FOXP3: variants seen among roughly 807,000 people sequenced by gnomAD.
FOXP3 encodes the protein forkhead box P3, also known as forkhead box protein P3.
A neutral mutation model predicts 31.2 loss-of-function variants in FOXP3; 5 were observed. That is an observed-to-expected ratio of 0.16 (90% CI 0.08 to 0.34). The LOEUF is 0.34. Among genes scored for constraint, FOXP3 ranks in the 10% least tolerant of loss-of-function variants. FOXP3 has a pLI of 1.00. For missense variants in FOXP3, 251 were observed against 363.0 expected, an observed-to-expected ratio of 0.69 and a Z score of 2.51; for synonymous variants, 141 against 148.8, an observed-to-expected ratio of 0.95 and a Z score of 0.38.
chrX:49,251,938 G>A, intron 10 of FOXP3, 173 bp from the exon 11 acceptor site: 2 of 748,340 alleles, frequency 2.7e-6, no homozygotes, highest in Non-Finnish European at 3.2e-6. Flanking sequence ...GAAAAGGGGT[G>A]AAGTGTCGGG....
At position 49,253,144 on chromosome X, in the gene FOXP3, G is replaced by A. The variant is rs374651495; in HGVS notation, c.1026C>T (p.Tyr342=). ...TGCTTACCCAGCGGATGAGCGTGGC[G>A]TAGGTGAAAGGGGGTCGCATGTTGT... is the stretch of plus-strand genomic sequence containing the variant. The part of the protein sequence containing the change: ...KFHNMRPPFT[Y]ATLIRWAILE... Residue 342 remains tyrosine, a synonymous_variant, in exon 10 of 12, where the codon TAC becomes TAT. Coordinates refer to ENST00000376207, the MANE Select transcript of FOXP3 (RefSeq NM_014009.4). 1.4e-5 allele frequency: 17 copies of A among 1,207,452 alleles called. No individual in the cohort carries two copies. Among genetic ancestry groups the A allele is most frequent in the Admixed American group, 1.3e-4 (6 of 45,607 alleles).
chrX:49,259,229 G>T, intron 1 of FOXP3: 2 of 526,291 alleles, frequency 3.8e-6, no homozygotes, highest in Non-Finnish European at 7.0e-6. Flanking sequence ...CATTACCTGA[G>T]ATGGGGGACA....
At chrX:49,263,797 C>G (rs992486603) in intron 1 of FOXP3, among the ~76,000 whole-genome samples, 14 of 111,357 alleles carry the variant, frequency 1.3e-4, no homozygotes, top group African/African-American at 4.6e-4. Context: ...ACATGCAGTC[C>G]TGGGGTAGGT....
Position 49,264,663 on chromosome X carries a change from T to C in FOXP3, c.-25A>G, listed in dbSNP as rs2066130185. On this transcript the variant is annotated splice_region_variant and 5_prime_UTR_variant, in exon 1 of 12. Transcript: ENST00000376207. The stretch of plus-strand genomic sequence containing the variant: ...TAGGGGAGAGCAGGGACACTCACCT[T>C]GGTGAAGTGGACTGACAGAAAAGGA... The C allele has an allele frequency of 6.6e-6, 5 of 752,878 alleles. No individual in the cohort carries two copies. Among genetic ancestry groups the C allele is most frequent in the Non-Finnish European group, 7.8e-6 (5 of 638,039 alleles). The allele number at this position is 752,878 out of a possible 1,213,427, so 62.0% of individuals were successfully genotyped here.
chrX:49,257,080 C>T, intron 4 of FOXP3, 68 bp from the exon 5 acceptor site: 3 of 971,175 alleles, frequency 3.1e-6, no homozygotes, highest in Non-Finnish European at 4.3e-6. Flanking sequence ...CACAAGGCCT[C>T]TCATTTTGAG....
chrX:49,260,474 T>C (rs939439786), intron 1 of FOXP3, among the ~76,000 whole-genome samples: 4 of 112,674 alleles, frequency 3.6e-5, no homozygotes, highest in Non-Finnish European at 7.5e-5. Flanking sequence ...GGCTGGCCTG[T>C]GGTCACTTCT....
In FOXP3 at chrX:49,253,913, T is replaced by C. The variant is rs1426535368; in HGVS notation, c.967+4A>G. 1.7e-6 allele frequency: 2 copies of C among 1,211,275 alleles called. No individual in the cohort carries two copies. Among genetic ancestry groups the C allele is most frequent in the Non-Finnish European group, 2.2e-6 (2 of 895,314 alleles). ...GCACCGTGTAGTGCAAGGACCATTC[T>C]TACCTGGGAATGTGCTGTTTCCATG... On this transcript the variant is annotated splice_donor_region_variant and intron_variant, in intron 9 of 11. Coordinates refer to ENST00000376207, the MANE Select transcript of FOXP3 (RefSeq NM_014009.4).
At chrX:49,260,314 G>A (rs2066102513) in intron 1 of FOXP3, among the ~76,000 whole-genome samples, 1 of 112,197 alleles carries the variant, frequency 8.9e-6, no homozygotes, top group African/African-American at 3.2e-5. Context: ...GCAACACCTT[G>A]ATCTTGGACT....
At chrX:49,257,034 C>T in intron 4 of FOXP3, 22 bp from the exon 5 acceptor site, 1 of 1,166,511 alleles carries the variant, frequency 8.6e-7, no homozygotes, top group South Asian at 1.8e-5. Context: ...GACAGGGCAC[C>T]TATGGAGGCT....
intron 1 of FOXP3, among the ~76,000 whole-genome samples, chrX:49,264,402 A>C (rs1349599887): frequency 8.9e-6 from 1 of 112,613 alleles, no homozygotes; most frequent in African/African-American, 3.2e-5. Context: ...GGCAGCTGAC[A>C]TATTTTAAAA....
intron 11 of FOXP3, 67 bp downstream of exon 11, chrX:49,251,597 C>T: frequency 8.3e-7 from 1 of 1,208,892 alleles, no homozygotes; most frequent in Non-Finnish European, 1.1e-6. Flanking sequence ...CAGACCCAGG[C>T]CTGCCCACTT....
intron 10 of FOXP3, among the ~76,000 whole-genome samples, chrX:49,252,338 C>T (rs1557115705): frequency 2.7e-5 from 3 of 109,770 alleles, no homozygotes; most frequent in Admixed American, 9.7e-5. Flanking sequence ...TGGTTAGGCT[C>T]AGGGCAAGGA....
chrX:49,251,963 A>G (rs1227577712), intron 10 of FOXP3, 198 bp from the exon 11 acceptor site: 1 of 722,579 alleles, frequency 1.4e-6, no homozygotes, highest in Non-Finnish European at 1.6e-6. Context: ...GCAGGGTTAG[A>G]TGGGTGTGGG....
chrX:49,255,426 C>T lies in FOXP3; in HGVS notation c.816+3G>A. ...TGCCACCACCAGTCCTGGGGTCGCT[C>T]ACCACAGATGAAGCCTTGGTCAGTG... On this transcript the variant is annotated splice_donor_region_variant and intron_variant, in intron 8 of 11. Transcript: ENST00000376207. 1 of 1,202,440 alleles carries T rather than the reference C, an allele frequency of 8.3e-7. No homozygotes were observed. Among genetic ancestry groups the T allele is most frequent in the Non-Finnish European group, 1.1e-6 (1 of 890,095 alleles).
chrX:49,258,209 C>T (rs2232366), intron 2 of FOXP3, 87 bp downstream of exon 2: 1 of 785,652 alleles, frequency 1.3e-6, no homozygotes, highest in South Asian at 2.6e-5. Context: ...AGCCAGCCCC[C>T]CTCCCGCCCA....
In FOXP3 at chrX:49,256,376, G is replaced by A. The variant is rs961920524; in HGVS notation, c.647+375C>T. On this transcript the variant is annotated intron_variant, in intron 6 of 11. Transcript: ENST00000376207. ...GGCATGTTGGCATGAGGAGTAGCAG[G>A]GCAAAGCAGGAGTGCAGATTCTAGA... Among the ~76,000 whole-genome samples the A allele has an allele frequency of 2.7e-5, 3 of 110,031 alleles. No homozygotes were observed. In the East Asian group the frequency reaches 8.6e-4, roughly 31 times the overall value.
chrX:49,251,250 G>A lies in FOXP3; in HGVS notation c.*84C>T. Reference sequence around the variant, plus strand: ...TTCTTGGTCCCTGTGGGCACATCCAGGGCCTATCATCCCTGCCCCCACCAC... The same window carrying A: ...TTCTTGGTCCCTGTGGGCACATCCAAGGCCTATCATCCCTGCCCCCACCAC... On this transcript the variant is annotated 3_prime_UTR_variant, in exon 12 of 12. Transcript: ENST00000376207. 1 of 1,083,551 alleles carries A rather than the reference G, an allele frequency of 9.2e-7. No homozygotes were observed. The highest frequency in any genetic ancestry group is 1.3e-6 in the Non-Finnish European group (1 of 794,941). 89.3% of individuals were successfully genotyped at this position (1,083,551 alleles called of 1,213,427 possible).
chrX:49,260,448 C>T (rs1189351470), intron 1 of FOXP3, among the ~76,000 whole-genome samples: 1 of 112,774 alleles, frequency 8.9e-6, no homozygotes, highest in Non-Finnish European at 1.9e-5. Context: ...TTCCACCACT[C>T]TGGCCTGGCC....
At chrX:49,258,676 GACACAC>G (rs57734889) in intron 1 of FOXP3, 149 bp from the exon 2 acceptor site, 569 of 355,496 alleles carry the variant, frequency 1.6e-3, no homozygotes, top group African/African-American at 2.9e-3. Context: ...CCCAGCTCTA[GACACAC>G]ACACACACAC....
Sources: allele counts gnomAD v4.1 joint callset (sites outside exome capture counted in the v4.1 genomes callset), GRCh38; gene constraint gnomAD v4.1.1; transcripts MANE v1.5; gene names NCBI Gene and HGNC (gene_info 2026-07-23, HGNC 2026-07-21).